Variants in ZBTB8A observed in about 807,000 individuals in gnomAD.
The protein encoded by ZBTB8A is zinc finger and BTB domain-containing protein 8A.
A neutral mutation model predicts 37.8 loss-of-function variants in ZBTB8A; 19 were observed. The ratio of observed to expected loss-of-function variants is 0.50; its 90% CI spans 0.35 to 0.74. The LOEUF is 0.74. ZBTB8A is among the 30% of genes least tolerant of loss of function. The pLI, the probability that ZBTB8A is intolerant of heterozygous loss-of-function variation, is 0.01. For synonymous variants in ZBTB8A, 181 were observed against 185.2 expected (o/e 0.98, Z 0.19); for missense variants, 394 against 537.8 (o/e 0.73, Z 2.65).
intron 4 of ZBTB8A, among the ~76,000 whole-genome samples, chr1:32,596,443 T>A (rs1644532371): frequency 6.7e-6 from 1 of 150,342 alleles, no homozygotes; most frequent in South Asian, 2.1e-4. Context: ...TTAGCTGGCA[T>A]GGTAGCGCAC....
At chr1:32,576,306 C>T (rs904271931) in intron 2 of ZBTB8A, among the ~76,000 whole-genome samples, 6 of 152,106 alleles carry the variant, frequency 3.9e-5, no homozygotes, top group African/African-American at 1.2e-4. Flanking sequence ...ATTATAAGAA[C>T]CTTACAGTAT....
intron 1 of ZBTB8A, among the ~76,000 whole-genome samples, chr1:32,541,615 G>T (rs1644055332): frequency 6.6e-6 from 1 of 152,208 alleles, no homozygotes; most frequent in Non-Finnish European, 1.5e-5. Flanking sequence ...ACTTCTGGAG[G>T]CTGAGAAGTT....
intron 2 of ZBTB8A, among the ~76,000 whole-genome samples, chr1:32,555,051 G>A (rs762602707): frequency 1.2e-4 from 19 of 152,120 alleles, no homozygotes; most frequent in Admixed American, 3.9e-4. Flanking sequence ...CAGCCTTGGC[G>A]TCACTGTCTG....
At position 32,601,943 on chromosome 1, in the gene ZBTB8A, A is replaced by C. The variant is rs1644579138; in HGVS notation, c.*1524A>C. The C allele has an allele frequency of 3.0e-6, 1 of 336,368 alleles. No homozygotes were observed. Among genetic ancestry groups the C allele is most frequent in the South Asian group, 1.5e-4 (1 of 6,502 alleles). The allele number at this position is 336,368 out of a possible 1,614,324, so 20.8% of individuals were successfully genotyped here. A position where few individuals can be genotyped will look rare whatever the true frequency, so the allele number is the denominator to read the frequency against. On this transcript the variant is annotated 3_prime_UTR_variant, in exon 5 of 5. Transcript: ENST00000373510. ...TTTAAAGTATAAAACTATTTGAACA[A>C]ATTATTCACTTAAATATGTTGAACA...
chr1:32,560,685 C>CA (rs1300790833), intron 2 of ZBTB8A, among the ~76,000 whole-genome samples: 2 of 134,860 alleles, frequency 1.5e-5, no homozygotes, highest in Non-Finnish European at 3.0e-5. Context: ...TTCAGTGGTG[C>CA]AACTTCAGTT....
intron 1 of ZBTB8A, among the ~76,000 whole-genome samples, chr1:32,552,347 A>C (rs1263505088): frequency 1.3e-5 from 2 of 151,792 alleles, no homozygotes; most frequent in Non-Finnish European, 2.9e-5. Flanking sequence ...CTGAGTGACA[A>C]AGTGAGACTG....
At chr1:32,559,058 T>C (rs1345161791) in intron 2 of ZBTB8A, among the ~76,000 whole-genome samples, 1 of 152,190 alleles carries the variant, frequency 6.6e-6, no homozygotes, top group Middle Eastern at 3.2e-3. Flanking sequence ...GTTTACCCAC[T>C]GTTATTTATG....
At chr1:32,594,697 C>T in intron 3 of ZBTB8A, among the ~76,000 whole-genome samples, 1 of 150,548 alleles carries the variant, frequency 6.6e-6, no homozygotes, top group East Asian at 2.0e-4. Context: ...ACCCAGGAGG[C>T]AGAGGTTGCA....
intron 2 of ZBTB8A, among the ~76,000 whole-genome samples, chr1:32,588,277 G>C (rs541273367): frequency 6.6e-6 from 1 of 152,048 alleles, no homozygotes; most frequent in Non-Finnish European, 1.5e-5. Flanking sequence ...TTATGGGACC[G>C]AGCCTTCAAC....
In ZBTB8A at chr1:32,593,370, C is replaced by A. The variant is rs750503138; in HGVS notation, c.439C>A (p.Arg147Ser). The change falls in exon 3 of 5, where the codon CGT (arginine) becomes AGT (serine). Residue 147 changes from arginine (R) to serine (S), a missense_variant. Around this residue, in one of 4 missense-constraint regions of ZBTB8A, gnomAD observed 171 missense variants for 186.8 expected, o/e 0.92. Transcript: ENST00000373510. Reference sequence around the variant, plus strand: ...AGATGCCAATTCTAATGGTGTAGAACGTTCCTCTTTTTATAGTGGTGGCTG... The same window carrying A: ...AGATGCCAATTCTAATGGTGTAGAAAGTTCCTCTTTTTATAGTGGTGGCTG... The part of the protein sequence containing the change: ...DKDANSNGVE[R>S]SSFYSGGWQE... The A allele has an allele frequency of 1.2e-6, 2 of 1,613,930 alleles. No homozygotes were observed. The highest frequency in any genetic ancestry group is 8.5e-7 in the Non-Finnish European group (1 of 1,180,032).
intron 2 of ZBTB8A, among the ~76,000 whole-genome samples, chr1:32,567,365 G>A (rs539801115): frequency 3.3e-5 from 5 of 152,160 alleles, no homozygotes; most frequent in Non-Finnish European, 7.3e-5. Flanking sequence ...ATGAGATTTG[G>A]GCGGGGGACA....
At chr1:32,550,685 G>A (rs767267514) in intron 1 of ZBTB8A, among the ~76,000 whole-genome samples, 5 of 152,022 alleles carry the variant, frequency 3.3e-5, no homozygotes, top group Non-Finnish European at 5.9e-5. Flanking sequence ...TAGGCCAGGC[G>A]TGTTGGGTCA....
chr1:32,601,547 A>G lies in ZBTB8A; in HGVS notation c.*1128A>G. 1 of 398,392 alleles carries G rather than the reference A, an allele frequency of 2.5e-6. No homozygotes were observed. Among genetic ancestry groups the G allele is most frequent in the Non-Finnish European group, 4.4e-6 (1 of 225,958 alleles). The allele number at this position is 398,392 out of a possible 1,614,324, so 24.7% of individuals were successfully genotyped here. A position where few individuals can be genotyped will look rare whatever the true frequency, so the allele number is the denominator to read the frequency against. ...ATTTCTAACGTTTATGTAGTGCTAT[A>G]TTATTTATAAAGTACTCTCTCATGT... is the stretch of plus-strand genomic sequence containing the variant. On this transcript the variant is annotated 3_prime_UTR_variant, in exon 5 of 5. Transcript: ENST00000373510.
intron 2 of ZBTB8A, among the ~76,000 whole-genome samples, chr1:32,591,396 T>A (rs544126726): frequency 1.3e-5 from 2 of 151,012 alleles, no homozygotes; most frequent in African/African-American, 4.9e-5. Context: ...TATATATATA[T>A]TTTGTAGAGA....
intron 1 of ZBTB8A, among the ~76,000 whole-genome samples, chr1:32,541,257 C>T (rs1048907372): frequency 1.3e-5 from 2 of 152,296 alleles, no homozygotes; most frequent in South Asian, 4.1e-4. Context: ...TCTATGCAGC[C>T]TTACAAGCAC....
intron 2 of ZBTB8A, among the ~76,000 whole-genome samples, chr1:32,562,322 G>T (rs1207508208): frequency 1.3e-5 from 2 of 150,854 alleles, no homozygotes; most frequent in African/African-American, 2.4e-5. Context: ...CCCAGGCTGG[G>T]GTGCCATGGT....
intron 4 of ZBTB8A, among the ~76,000 whole-genome samples, 180 bp from the exon 5 acceptor site, chr1:32,599,907 T>C (rs1034634643): frequency 6.6e-6 from 1 of 152,148 alleles, no homozygotes; most frequent in African/African-American, 2.4e-5. Context: ...AAAGCTGATG[T>C]TTAATATTTC....
intron 2 of ZBTB8A, among the ~76,000 whole-genome samples, chr1:32,569,261 C>G (rs2148230965): frequency 6.6e-6 from 1 of 151,924 alleles, no homozygotes; most frequent in South Asian, 2.1e-4. Context: ...AGTGTCTGTT[C>G]AAATCATTTG....
At chr1:32,541,366 GCCTTTGCACTTGCCGTTC>G (rs753550167) in intron 1 of ZBTB8A, among the ~76,000 whole-genome samples, 17 of 151,998 alleles carry the variant, frequency 1.1e-4, no homozygotes, top group Admixed American at 6.6e-4. Flanking sequence ...TCACCTCAGG[GCCTTTGCACTTGCCGTTC>G]CCTTTGCCTG....
Sources: allele counts gnomAD v4.1 joint callset (sites outside exome capture counted in the v4.1 genomes callset), GRCh38; gene constraint gnomAD v4.1.1; regional missense constraint gnomAD v4.1.1; transcripts MANE v1.5; gene names NCBI Gene and HGNC (gene_info 2026-07-23, HGNC 2026-07-21).